Variants in ZNF283 observed in about 807,000 individuals in gnomAD.
ZNF283 encodes the protein zinc finger protein 283, also known as zinc finger protein 41.
A neutral mutation model predicts 9.2 loss-of-function variants in ZNF283; 10 were observed. The ratio of observed to expected loss-of-function variants is 1.09; its 90% CI spans 0.67 to 1.85. The LOEUF (loss-of-function observed/expected upper bound fraction) is 1.85, where lower values mean the gene tolerates loss of function less well. ZNF283 is among the 40% of genes most tolerant of loss of function. The pLI is 0.00. For synonymous variants in ZNF283, 234 were observed against 244.1 expected, an observed-to-expected ratio of 0.96 and a Z score of 0.38; for missense variants, 631 against 760.1, an observed-to-expected ratio of 0.83 and a Z score of 2.00.
chr19:43,829,043 G>A (rs1035390779), intron 2 of ZNF283, among the ~76,000 whole-genome samples: 6 of 152,154 alleles, frequency 3.9e-5, no homozygotes, highest in African/African-American at 9.7e-5. Flanking sequence ...CTTGTTTGAA[G>A]TCCAGCTTTC....
intron 6 of ZNF283, among the ~76,000 whole-genome samples, chr19:43,838,927 TCA>T (rs1167429275): frequency 6.6e-6 from 1 of 152,252 alleles, no homozygotes; most frequent in Non-Finnish European, 1.5e-5. Flanking sequence ...CTGGTTACTT[TCA>T]CACAGATTTA....
At position 43,848,867 on chromosome 19, in the gene ZNF283, A is replaced by G. The variant is rs894825506; in HGVS notation, c.*226A>G. Reference sequence around the variant, plus strand: ...TTCTGTACAGTCTTATTGGATATCAATTTATACTGATGTAAAATCATTTAA... The same window carrying G: ...TTCTGTACAGTCTTATTGGATATCAGTTTATACTGATGTAAAATCATTTAA... On this transcript the variant is annotated 3_prime_UTR_variant, in exon 7 of 7. Coordinates refer to ENST00000618787, the MANE Select transcript of ZNF283 (RefSeq NM_181845.2). 2.7e-6 allele frequency: 1 copy of G among 364,054 alleles called. No homozygotes were observed. Among genetic ancestry groups the G allele is most frequent in the African/African-American group, 2.1e-5 (1 of 48,022 alleles). 22.6% of individuals were successfully genotyped at this position (364,054 alleles called of 1,614,324 possible). A position where few individuals can be genotyped will look rare whatever the true frequency, so the allele number is the denominator to read the frequency against.
At position 43,847,893 on chromosome 19, in the gene ZNF283, A is replaced by G; in HGVS notation, c.1292A>G (p.Tyr431Cys). 6.2e-7 allele frequency: 1 copy of G among 1,613,366 alleles called. No homozygotes were observed. The highest frequency in any genetic ancestry group is 8.5e-7 in the Non-Finnish European group (1 of 1,179,816). Residue 431 changes from tyrosine (Y) to cysteine (C), a missense_variant, in exon 7 of 7, where the codon TAT becomes TGT. Around this residue, in one of 3 missense-constraint regions of ZNF283, gnomAD observed 444 missense variants for 522.5 expected, o/e 0.85. Coordinates refer to ENST00000618787, the MANE Select transcript of ZNF283 (RefSeq NM_181845.2). ...AGAATTCATACTGGTGAGAAACCTT[A>G]TGAATGTAAAGAATGTGGAAAGGCC... ...HERIHTGEKP[Y>C]ECKECGKAFS...
chr19:43,838,550 A>G (rs1179409078), intron 6 of ZNF283, among the ~76,000 whole-genome samples: 1 of 151,982 alleles, frequency 6.6e-6, no homozygotes, highest in African/African-American at 2.4e-5. Context: ...GATTGCTTGA[A>G]CCTAAGAGGT....
intron 6 of ZNF283, among the ~76,000 whole-genome samples, chr19:43,839,375 CTT>C (rs966949703): frequency 1.3e-5 from 2 of 151,838 alleles, no homozygotes; most frequent in African/African-American, 4.8e-5. Flanking sequence ...GTTCTGAAGT[CTT>C]TTTGTCTTTG....
rs1971596404 is a variant in ZNF283, at chr19:43,851,114, T to C, written c.*2473T>C. On this transcript the variant is annotated 3_prime_UTR_variant, in exon 7 of 7. Coordinates refer to ENST00000618787, the MANE Select transcript of ZNF283 (RefSeq NM_181845.2). ...CATAAAAAGCCAACAGTTGCACTCT[T>C]AATAATCAACTGTAACACAAAGCAG... The C allele has an allele frequency of 6.6e-6, 1 of 152,222 alleles. No homozygotes were observed. The allele number at this position is 152,222 out of a possible 1,614,324, so 9.4% of individuals were successfully genotyped here.
rs1971592738 is a variant in ZNF283, at chr19:43,850,999, T to C, written c.*2358T>C. The C allele has an allele frequency of 6.6e-6, 1 of 152,340 alleles. No homozygotes were observed. Among genetic ancestry groups the C allele is most frequent in the Middle Eastern group, 3.4e-3 (1 of 294 alleles). The allele number at this position is 152,340 out of a possible 1,614,324, so 9.4% of individuals were successfully genotyped here. ...AGGTCTACACCTGACCTCTCTATTT[T>C]GTGCACATAGGGGATTCGTAATATC... is the stretch of plus-strand genomic sequence containing the variant. On this transcript the variant is annotated 3_prime_UTR_variant, in exon 7 of 7. Transcript: ENST00000618787.
chr19:43,830,146 C>T (rs1193134805), intron 2 of ZNF283, among the ~76,000 whole-genome samples: 1 of 152,220 alleles, frequency 6.6e-6, no homozygotes, highest in Non-Finnish European at 1.5e-5. Flanking sequence ...ATGATCATGG[C>T]TCACTGTAGC....
chr19:43,839,646 G>A (rs1386503710), intron 6 of ZNF283, among the ~76,000 whole-genome samples: 1 of 151,408 alleles, frequency 6.6e-6, no homozygotes, highest in Non-Finnish European at 1.5e-5. Flanking sequence ...TTTTCTTTTT[G>A]CTTCTCTAGT....
chr19:43,848,670 G>A lies in ZNF283; in HGVS notation c.*29G>A. 1.3e-6 allele frequency: 2 copies of A among 1,517,994 alleles called. No homozygotes were observed. Among genetic ancestry groups the A allele is most frequent in the Non-Finnish European group, 1.8e-6 (2 of 1,132,990 alleles). 94.0% of individuals were successfully genotyped at this position (1,517,994 alleles called of 1,614,324 possible). ...AAAGTTGTAAAAGAATATTTTGTGT[G>A]TGTGTATAGACAACTTATCATAATA... On this transcript the variant is annotated 3_prime_UTR_variant, in exon 7 of 7. Coordinates refer to ENST00000618787, the MANE Select transcript of ZNF283 (RefSeq NM_181845.2).
At position 43,848,670 on chromosome 19, in the gene ZNF283, G is replaced by T; in HGVS notation, c.*29G>T. 1 of 1,517,994 alleles carries T rather than the reference G, an allele frequency of 6.6e-7. No individual in the cohort carries two copies. The highest frequency in any genetic ancestry group is 1.4e-5 in the South Asian group (1 of 72,772). 94.0% of individuals were successfully genotyped at this position (1,517,994 alleles called of 1,614,324 possible). A position where few individuals can be genotyped will look rare whatever the true frequency, so the allele number is the denominator to read the frequency against. On this transcript the variant is annotated 3_prime_UTR_variant, in exon 7 of 7. Transcript: ENST00000618787. ...AAAGTTGTAAAAGAATATTTTGTGT[G>T]TGTGTATAGACAACTTATCATAATA...
chr19:43,840,864 C>CT (rs575563947), intron 6 of ZNF283: 6,457 of 118,732 alleles, frequency 0.054, 319 homozygotes, highest in African/African-American at 0.15. Flanking sequence ...TTTTTTTCTC[C>CT]TTTTTTTTTT....
At chr19:43,835,355 T>C (rs1405393048) in intron 4 of ZNF283, 150 bp from the exon 5 acceptor site, 2 of 590,222 alleles carry the variant, frequency 3.4e-6, no homozygotes, top group South Asian at 2.0e-5. Context: ...CTGAAGACCT[T>C]TGGGGTTTAG....
intron 5 of ZNF283, 78 bp downstream of exon 5, chr19:43,835,670 C>A: frequency 1.7e-6 from 2 of 1,183,334 alleles, no homozygotes; most frequent in Non-Finnish European, 2.4e-6. Flanking sequence ...TTCCTTAGAC[C>A]TATAGAACTT....
intron 6 of ZNF283, 29 bp from the exon 7 acceptor site, chr19:43,846,910 A>T: frequency 7.1e-7 from 1 of 1,406,700 alleles, no homozygotes; most frequent in Non-Finnish European, 9.4e-7. Flanking sequence ...GAAGGAAATA[A>T]AATGTGTGGT....
chr19:43,833,338 A>G (rs539069510), intron 3 of ZNF283, among the ~76,000 whole-genome samples, 167 bp from the exon 4 acceptor site: 1 of 152,254 alleles, frequency 6.6e-6, no homozygotes, highest in African/African-American at 2.4e-5. Context: ...CAACACCATC[A>G]TAACTAATGA....
In ZNF283 at chr19:43,848,585, G is replaced by A; in HGVS notation, c.1984G>A (p.Ala662Thr). 6.3e-6 allele frequency: 10 copies of A among 1,588,168 alleles called. No individual in the cohort carries two copies. Among genetic ancestry groups the A allele is most frequent in the Non-Finnish European group, 8.6e-6 (10 of 1,164,064 alleles). The change falls in exon 7 of 7, where the codon GCC (alanine) becomes ACC (threonine). Residue 662 changes from alanine (A) to threonine (T), a missense_variant. By Grantham distance (58) the Ala-to-Thr change is moderately conservative. Around this residue, in one of 3 missense-constraint regions of ZNF283, gnomAD observed 444 missense variants for 522.5 expected, o/e 0.85. Coordinates refer to ENST00000618787, the MANE Select transcript of ZNF283 (RefSeq NM_181845.2). ...KPYKYNECGE[A>T]FLWTTYSNEK... ...CTACAAATATAACGAATGTGGGGAA[G>A]CCTTTCTGTGGACAACTTACTCAAA...
rs2146602544 is a variant in ZNF283 at position 43,851,422 on chromosome 19, A to AG, written c.*2781_*2782insG. On this transcript the variant is annotated 3_prime_UTR_variant, in exon 7 of 7. Transcript: ENST00000618787. ...ATCAAAAGACTAAAGAGAAGTGAAA[A>AG]AAAAAAAAAGACGGCCGGGCGCGGT... The AG allele has an allele frequency of 6.6e-6, 1 of 152,062 alleles. No individual in the cohort carries two copies. The highest frequency in any genetic ancestry group is 6.5e-5 in the Admixed American group (1 of 15,270). 9.4% of individuals were successfully genotyped at this position (152,062 alleles called of 1,614,324 possible). A position where few individuals can be genotyped will look rare whatever the true frequency, so the allele number is the denominator to read the frequency against.
chr19:43,836,767 A>T (rs1970998166), intron 5 of ZNF283, among the ~76,000 whole-genome samples: 2 of 152,246 alleles, frequency 1.3e-5, no homozygotes, highest in African/African-American at 4.8e-5. Context: ...TATAACAGAG[A>T]AGAAACTGAG....
Sources: gnomAD v4.1 joint callset for allele counts (sites outside exome capture counted in the v4.1 genomes callset) on GRCh38, gnomAD v4.1.1 for gene constraint, gnomAD v4.1.1 regional missense constraint, MANE v1.5 for transcripts, NCBI Gene and HGNC (gene_info 2026-07-23, HGNC 2026-07-21) for gene names.